KCNQ3: variants seen among roughly 807,000 people sequenced by gnomAD.
KCNQ3 encodes the protein potassium voltage-gated channel subfamily Q member 3, also known as potassium voltage-gated channel subfamily KQT member 3.
Under a neutral mutation model 92.5 loss-of-function variants are expected in KCNQ3, and 30 were observed. The ratio of observed to expected loss-of-function variants is 0.32; its 90% CI spans 0.24 to 0.44. The LOEUF (loss-of-function observed/expected upper bound fraction) is 0.44, where lower values mean the gene tolerates loss of function less well. Ranked by LOEUF, KCNQ3 falls within the 20% of genes least tolerant of loss-of-function variation. KCNQ3 has a pLI of 1.00. For missense variants in KCNQ3, 913 were observed against 1,140.3 expected, an observed-to-expected ratio of 0.80 and a Z score of 2.87; for synonymous variants, 450 against 468.8, an observed-to-expected ratio of 0.96 and a Z score of 0.52.
intron 1 of KCNQ3, among the ~76,000 whole-genome samples, chr8:132,319,187 A>G (rs1019101235): frequency 2.0e-5 from 3 of 152,202 alleles, no homozygotes; most frequent in African/African-American, 7.2e-5. Context: ...AAATATACAA[A>G]CAACAATCAC....
intron 1 of KCNQ3, among the ~76,000 whole-genome samples, chr8:132,437,094 A>G (rs1400029865): frequency 3.3e-5 from 5 of 151,642 alleles, no homozygotes. Flanking sequence ...CCTGGCTAAC[A>G]CGGTGAAACC....
chr8:132,237,058 T>G (rs575882908), intron 1 of KCNQ3, among the ~76,000 whole-genome samples: 2 of 152,210 alleles, frequency 1.3e-5, no homozygotes, highest in Non-Finnish European at 2.9e-5. Flanking sequence ...TGCAGACTTG[T>G]AGGACCCTGC....
At chr8:132,193,200 T>C (rs538571999) in intron 1 of KCNQ3, among the ~76,000 whole-genome samples, 1 of 152,322 alleles carries the variant, frequency 6.6e-6, no homozygotes, top group Admixed American at 6.5e-5. Context: ...AGGCTGTCTT[T>C]GCAAACAATT....
In KCNQ3 at chr8:132,418,632, A is replaced by G. The variant is rs144632794; in HGVS notation, c.386+61515T>C. 2.9e-4 allele frequency among the ~76,000 whole-genome samples: 44 copies of G among 152,284 alleles called. 1 individual carries two copies. In the East Asian group the frequency reaches 8.3e-3, roughly 29 times the overall value. On this transcript the variant is annotated intron_variant, in intron 1 of 14. Coordinates refer to ENST00000388996, the MANE Select transcript of KCNQ3 (RefSeq NM_004519.4). ...GAAACATCGTCTCTACTAAAAATAT[A>G]AAAATTAGCCAGGTGTGGTGGTGCG...
chr8:132,269,726 C>G (rs1816095052), intron 1 of KCNQ3, among the ~76,000 whole-genome samples: 1 of 152,192 alleles, frequency 6.6e-6, no homozygotes, highest in South Asian at 2.1e-4. Flanking sequence ...CAAATCTTGT[C>G]TTCCCCACTA....
intron 9 of KCNQ3, among the ~76,000 whole-genome samples, chr8:132,151,816 A>G (rs1458526848): frequency 6.6e-6 from 1 of 152,218 alleles, no homozygotes; most frequent in Admixed American, 6.5e-5. Context: ...AGTATCCAGA[A>G]AAGAGAAGTA....
At chr8:132,365,028 C>T (rs1274107921) in intron 1 of KCNQ3, among the ~76,000 whole-genome samples, 1 of 152,048 alleles carries the variant, frequency 6.6e-6, no homozygotes, top group African/African-American at 2.4e-5. Flanking sequence ...AGAATAGCAA[C>T]AGGAAAGTGA....
chr8:132,227,062 T>A (rs989205637), intron 1 of KCNQ3, among the ~76,000 whole-genome samples: 13 of 136,734 alleles, frequency 9.5e-5, no homozygotes, highest in African/African-American at 3.7e-4. Flanking sequence ...ATCTCACTCT[T>A]TTTTTTTTTT....
intron 1 of KCNQ3, among the ~76,000 whole-genome samples, chr8:132,435,074 G>A (rs2130829289): frequency 6.6e-6 from 1 of 152,264 alleles, no homozygotes; most frequent in Non-Finnish European, 1.5e-5. Context: ...TCAGTGCTGA[G>A]CATGCAAGGA....
chr8:132,337,415 T>C (rs961355489), intron 1 of KCNQ3, among the ~76,000 whole-genome samples: 1 of 152,136 alleles, frequency 6.6e-6, no homozygotes, highest in Non-Finnish European at 1.5e-5. Context: ...GAGAATTGCT[T>C]GAGCCCAAGG....
chr8:132,330,603 G>A (rs59649599), intron 1 of KCNQ3, among the ~76,000 whole-genome samples: 2,518 of 152,258 alleles, frequency 0.017, 69 homozygotes, highest in African/African-American at 0.056. Context: ...AAACTCACCC[G>A]TGTCCTCCAA....
intron 1 of KCNQ3, among the ~76,000 whole-genome samples, chr8:132,270,708 T>C (rs1554639155): frequency 6.6e-6 from 1 of 152,270 alleles, no homozygotes; most frequent in Non-Finnish European, 1.5e-5. Context: ...TATGTATTTT[T>C]ACAGAAATAT....
chr8:132,158,588 A>G (rs559129818), intron 9 of KCNQ3, among the ~76,000 whole-genome samples: 1 of 152,338 alleles, frequency 6.6e-6, no homozygotes, highest in South Asian at 2.1e-4. Flanking sequence ...AAGGAGGAGC[A>G]TAGTGGTAGG....
chr8:132,420,917 C>CA (rs200829197), intron 1 of KCNQ3, among the ~76,000 whole-genome samples: 2,703 of 150,234 alleles, frequency 0.018, 77 homozygotes, highest in African/African-American at 0.062. Context: ...TGTAGAGATG[C>CA]AAAAAAAACA....
At chr8:132,148,015 C>T (rs1365497899) in intron 9 of KCNQ3, among the ~76,000 whole-genome samples, 1 of 152,140 alleles carries the variant, frequency 6.6e-6, no homozygotes, top group Non-Finnish European at 1.5e-5. Context: ...CTGTCACCTT[C>T]CATATGCCAA....
intron 1 of KCNQ3, among the ~76,000 whole-genome samples, chr8:132,205,135 A>G (rs1813616440): frequency 6.6e-6 from 1 of 152,208 alleles, no homozygotes; most frequent in Non-Finnish European, 1.5e-5. Flanking sequence ...GTCATAGGAC[A>G]CATTGTATCT....
At chr8:132,155,063 G>A (rs1018066988) in intron 9 of KCNQ3, among the ~76,000 whole-genome samples, 12 of 152,168 alleles carry the variant, frequency 7.9e-5, no homozygotes, top group African/African-American at 2.7e-4. Flanking sequence ...CTCGTTTCTG[G>A]TAGAGCTTAA....
chr8:132,345,759 A>G (rs1297004312), intron 1 of KCNQ3, among the ~76,000 whole-genome samples: 1 of 152,228 alleles, frequency 6.6e-6, no homozygotes. Context: ...ATAAGAGCTC[A>G]GTAAATAGTT....
In KCNQ3 at chr8:132,121,512, A is replaced by G; in HGVS notation, c.*7750T>C. Reference sequence around the variant, plus strand: ...TGGACTCTTAACCCTCAGGGGAACTATGGGGGTGGGAACTGCCCCCTCCTT... The same window carrying G: ...TGGACTCTTAACCCTCAGGGGAACTGTGGGGGTGGGAACTGCCCCCTCCTT... On this transcript the variant is annotated 3_prime_UTR_variant, in exon 15 of 15. Transcript: ENST00000388996. 6.6e-6 allele frequency: 1 copy of G among 152,284 alleles called. No homozygotes were observed. Among genetic ancestry groups the G allele is most frequent in the East Asian group, 1.9e-4 (1 of 5,182 alleles). The allele number at this position is 152,284 out of a possible 1,614,324, so 9.4% of individuals were successfully genotyped here. A position where few individuals can be genotyped will look rare whatever the true frequency, so the allele number is the denominator to read the frequency against.
Sources: allele counts gnomAD v4.1 joint callset (sites outside exome capture counted in the v4.1 genomes callset), GRCh38; gene constraint gnomAD v4.1.1; transcripts MANE v1.5; gene names NCBI Gene and HGNC (gene_info 2026-07-23, HGNC 2026-07-21).